DIAPH2: variants seen among roughly 807,000 people sequenced by gnomAD.
The protein encoded by DIAPH2 is diaphanous related formin 2, also known as protein diaphanous homolog 2.
Under a neutral mutation model 92.7 loss-of-function variants are expected in DIAPH2, and 35 were observed. The observed-to-expected ratio is 0.38, with a 90% CI of 0.29 to 0.50. The LOEUF is 0.50. Ranked by LOEUF, DIAPH2 falls within the 20% of genes least tolerant of loss-of-function variation. The pLI is 0.94. For missense variants in DIAPH2, 701 were observed against 819.5 expected (o/e 0.86, Z 1.77); for synonymous variants, 301 against 280.4 (o/e 1.07, Z -0.73).
rs2071610338 is a variant in DIAPH2 at position 97,604,565 on chromosome X, T to G, written c.*5248T>G. 2 of 112,279 alleles carry G rather than the reference T, an allele frequency of 1.8e-5. No individual in the cohort carries two copies. The highest frequency in any genetic ancestry group is 3.2e-5 in the African/African-American group (1 of 30,786). 9.3% of individuals were successfully genotyped at this position (112,279 alleles called of 1,213,427 possible). On this transcript the variant is annotated 3_prime_UTR_variant, in exon 27 of 27. Transcript: ENST00000324765. ...TGTTGTTAAATGGATGGACAGGCTA[T>G]TCTAAATTTTGGTTGATACTTTTGC... is the stretch of plus-strand genomic sequence containing the variant.
chrX:97,417,375 T>TACACAC (rs750360804), intron 25 of DIAPH2, among the ~76,000 whole-genome samples: 23 of 103,814 alleles, frequency 2.2e-4, no homozygotes, highest in African/African-American at 6.8e-4. Context: ...TGGTCACACA[T>TACACAC]ACACACACAC....
chrX:96,888,123 C>G (rs1180907120), intron 5 of DIAPH2, among the ~76,000 whole-genome samples: 1 of 108,831 alleles, frequency 9.2e-6, no homozygotes, highest in Non-Finnish European at 1.9e-5. Context: ...TGCAATGTCA[C>G]AATCTCGGCT....
chrX:97,161,055 T>G (rs1319748321), intron 22 of DIAPH2, among the ~76,000 whole-genome samples: 1 of 105,351 alleles, frequency 9.5e-6, no homozygotes, highest in Non-Finnish European at 2.0e-5. Context: ...TTTTTTGTTT[T>G]TTTTTTTTTT....
chrX:97,411,895 T>G (rs2069878382), intron 25 of DIAPH2, among the ~76,000 whole-genome samples: 2 of 111,458 alleles, frequency 1.8e-5, no homozygotes, highest in Non-Finnish European at 3.8e-5. Context: ...GCACCCAGAT[T>G]CATAAAGCAA....
At chrX:96,919,388 A>T (rs2065526241) in intron 9 of DIAPH2, among the ~76,000 whole-genome samples, 1 of 112,143 alleles carries the variant, frequency 8.9e-6, no homozygotes. Context: ...CACAGTTTTT[A>T]AGTGTCACAG....
At chrX:97,441,628 C>T (rs970821003) in intron 26 of DIAPH2, among the ~76,000 whole-genome samples, 2 of 110,930 alleles carry the variant, frequency 1.8e-5, no homozygotes, top group African/African-American at 6.6e-5. Flanking sequence ...CCATCCTGGC[C>T]TATATGGTGA....
intron 4 of DIAPH2, among the ~76,000 whole-genome samples, chrX:96,776,571 TATTAA>T (rs2064379243): frequency 9.2e-6 from 1 of 108,466 alleles, no homozygotes; most frequent in African/African-American, 3.3e-5. Flanking sequence ...GTATAAATAT[TATTAA>T]ATTAAATATT....
chrX:96,735,250 G>T (rs1214302205), intron 1 of DIAPH2, among the ~76,000 whole-genome samples: 1 of 111,557 alleles, frequency 9.0e-6, no homozygotes, highest in African/African-American at 3.2e-5. Flanking sequence ...TTAAAAATAA[G>T]TTCAATTTTA....
chrX:97,451,843 C>T (rs767525438), intron 26 of DIAPH2, among the ~76,000 whole-genome samples: 3 of 111,747 alleles, frequency 2.7e-5, no homozygotes, highest in Non-Finnish European at 3.8e-5. Context: ...TGTTATTACA[C>T]GTTTACAAAG....
At chrX:97,436,094 C>T (rs1428988937) in intron 26 of DIAPH2, among the ~76,000 whole-genome samples, 1 of 111,726 alleles carries the variant, frequency 9.0e-6, no homozygotes, top group Non-Finnish European at 1.9e-5. Flanking sequence ...CGTGAGCCAC[C>T]GTGCCCAGCC....
chrX:96,771,575 CTACAA>C (rs1470016909), intron 4 of DIAPH2, among the ~76,000 whole-genome samples: 1 of 111,397 alleles, frequency 9.0e-6, no homozygotes, highest in African/African-American at 3.3e-5. Flanking sequence ...AATATAGTCT[CTACAA>C]TATATATCCT....
At chrX:97,052,385 G>A (rs112195754) in intron 17 of DIAPH2, among the ~76,000 whole-genome samples, 1 of 110,120 alleles carries the variant, frequency 9.1e-6, no homozygotes, top group East Asian at 2.9e-4. Flanking sequence ...AGACTACAAG[G>A]TTCGTGTTGG....
At chrX:97,298,090 T>G (rs1040530519) in intron 23 of DIAPH2, among the ~76,000 whole-genome samples, 8 of 109,824 alleles carry the variant, frequency 7.3e-5, no homozygotes, top group Non-Finnish European at 1.1e-4. Context: ...CAATCATATT[T>G]ATAACTAATG....
intron 17 of DIAPH2, among the ~76,000 whole-genome samples, chrX:97,027,253 A>G (rs778120770): frequency 8.0e-5 from 9 of 112,370 alleles, no homozygotes; most frequent in African/African-American, 1.3e-4. Context: ...ATCACTTCAT[A>G]TTTTTATAAG....
chrX:96,814,893 C>T (rs1251133392), intron 4 of DIAPH2, among the ~76,000 whole-genome samples: 2 of 111,472 alleles, frequency 1.8e-5, no homozygotes, highest in Non-Finnish European at 3.8e-5. Flanking sequence ...CCTGATCCTT[C>T]GTCTGGAAGC....
At chrX:97,024,151 TA>T (rs1458293162) in intron 17 of DIAPH2, among the ~76,000 whole-genome samples, 1 of 112,396 alleles carries the variant, frequency 8.9e-6, no homozygotes, top group Non-Finnish European at 1.9e-5. Flanking sequence ...CTTTAGATTA[TA>T]TGGGCTAATC....
intron 5 of DIAPH2, chrX:96,884,050 A>T (rs753188760): frequency 1.7e-5 from 5 of 299,698 alleles, no homozygotes; most frequent in African/African-American, 1.4e-4. Context: ...AACCACTGAC[A>T]CACAGGGAAG....
At chrX:97,306,909 A>C (rs2068751690) in intron 23 of DIAPH2, among the ~76,000 whole-genome samples, 2 of 112,276 alleles carry the variant, frequency 1.8e-5, no homozygotes, top group Non-Finnish European at 3.8e-5. Flanking sequence ...GAGACAGTTA[A>C]CAAAGGCTGA....
At chrX:97,364,759 G>GTTTTTTTTTGTTTTT (rs1279508605) in intron 24 of DIAPH2, among the ~76,000 whole-genome samples, 1 of 56,593 alleles carries the variant, frequency 1.8e-5, no homozygotes, top group African/African-American at 5.8e-5. Flanking sequence ...GTCTCCTGGT[G>GTTTTTTTTTGTTTTT]TTTTTTTTTT....
Sources: gnomAD v4.1 joint callset for allele counts (sites outside exome capture counted in the v4.1 genomes callset) on GRCh38, gnomAD v4.1.1 for gene constraint, MANE v1.5 for transcripts, NCBI Gene and HGNC (gene_info 2026-07-23, HGNC 2026-07-21) for gene names.